The following TMEM132D variants were observed in gnomAD, a reference collection of about 807,000 sequenced individuals.
TMEM132D encodes the protein mature OL transmembrane protein.
Under a neutral mutation model 62.3 loss-of-function variants are expected in TMEM132D, and 21 were observed. The observed-to-expected ratio is 0.34, with a 90% CI of 0.24 to 0.49. The LOEUF is 0.49. Among genes scored for constraint, TMEM132D ranks in the 20% least tolerant of loss-of-function variants. The probability of loss-of-function intolerance (pLI) is 0.99; values close to 1 mark genes in which losing one functional copy is unlikely to be tolerated. For missense variants in TMEM132D, 1,346 were observed against 1,402.8 expected (o/e 0.96, Z 0.65); for synonymous variants, 621 against 575.6 (o/e 1.08, Z -1.13).
chr12:129,405,679 A>G (rs982059313), intron 3 of TMEM132D, among the ~76,000 whole-genome samples: 1 of 152,090 alleles, frequency 6.6e-6, no homozygotes. Flanking sequence ...GCTTGGGTAC[A>G]TGGAGTAGTC....
intron 1 of TMEM132D, among the ~76,000 whole-genome samples, chr12:129,782,590 G>A (rs1871149695): frequency 6.6e-6 from 1 of 152,214 alleles, no homozygotes; most frequent in African/African-American, 2.4e-5. Flanking sequence ...CTGGGAAAAG[G>A]GGAAGGGAAA....
intron 4 of TMEM132D, among the ~76,000 whole-genome samples, chr12:129,321,588 A>G (rs191551827): frequency 0.012 from 1,812 of 149,422 alleles, 40 homozygotes; most frequent in African/African-American, 0.042. Flanking sequence ...ACGGAGTCTC[A>G]CTCTTTCGCC....
intron 3 of TMEM132D, among the ~76,000 whole-genome samples, chr12:129,467,709 T>C (rs1044241848): frequency 1.3e-4 from 20 of 152,130 alleles, no homozygotes; most frequent in African/African-American, 4.6e-4. Context: ...ACACTCTGTG[T>C]GGGAAGGCAT....
intron 1 of TMEM132D, among the ~76,000 whole-genome samples, chr12:129,863,206 C>T (rs967223412): frequency 6.6e-6 from 1 of 152,098 alleles, no homozygotes; most frequent in East Asian, 1.9e-4. Flanking sequence ...CATTGTGAAG[C>T]CTTTACAGAA....
At chr12:129,874,693 C>T (rs1394870928) in intron 1 of TMEM132D, among the ~76,000 whole-genome samples, 1 of 137,682 alleles carries the variant, frequency 7.3e-6, no homozygotes, top group African/African-American at 2.6e-5. Flanking sequence ...ATGTTTTTCA[C>T]ATTTTTCTTT....
chr12:129,403,131 T>G (rs1437926455), intron 3 of TMEM132D, among the ~76,000 whole-genome samples: 4 of 151,754 alleles, frequency 2.6e-5, no homozygotes, highest in Non-Finnish European at 4.4e-5. Context: ...CAAACAATAT[T>G]CTTCATCTGG....
intron 5 of TMEM132D, among the ~76,000 whole-genome samples, chr12:129,208,088 C>T (rs896493972): frequency 3.3e-5 from 5 of 152,120 alleles, no homozygotes; most frequent in African/African-American, 7.2e-5. Context: ...CGCCCGTGAC[C>T]GCCCTGGCTG....
chr12:129,197,160 C>G (rs865939292), intron 5 of TMEM132D, among the ~76,000 whole-genome samples: 13 of 152,242 alleles, frequency 8.5e-5, no homozygotes, highest in African/African-American at 3.1e-4. Flanking sequence ...TGTGGCTGTG[C>G]GGCAATGAAA....
intron 1 of TMEM132D, among the ~76,000 whole-genome samples, chr12:129,716,692 G>C (rs576837689): frequency 2.0e-5 from 3 of 152,148 alleles, no homozygotes; most frequent in African/African-American, 7.2e-5. Flanking sequence ...TAAAACAAGA[G>C]GATTATCCTG....
chr12:129,173,920 G>A lies in TMEM132D; in HGVS notation c.1443+35600C>T, dbSNP rs142703479. 2.2e-3 allele frequency among the ~76,000 whole-genome samples: 335 copies of A among 152,196 alleles called. 2 individuals carry two copies. Among genetic ancestry groups the A allele is most frequent in the African/African-American group, 7.3e-3 (303 of 41,524 alleles). ...CTTTTTCAGGGTTTTCAGATGTTCCGAAGAGAGACACGAATATCTCCAAAT... is the reference window on the plus strand; with the variant it reads ...CTTTTTCAGGGTTTTCAGATGTTCCAAAGAGAGACACGAATATCTCCAAAT... On this transcript the variant is annotated intron_variant, in intron 5 of 8. Transcript: ENST00000422113.
chr12:129,490,587 G>A (rs1333670658), intron 3 of TMEM132D, among the ~76,000 whole-genome samples: 16 of 123,784 alleles, frequency 1.3e-4, no homozygotes, highest in East Asian at 2.3e-4. Context: ...CGCCCACCAC[G>A]CCCGGCTAAT....
At chr12:129,221,058 T>A (rs1308981799) in intron 4 of TMEM132D, among the ~76,000 whole-genome samples, 1 of 152,246 alleles carries the variant, frequency 6.6e-6, no homozygotes, top group Non-Finnish European at 1.5e-5. Flanking sequence ...TGTTCCTTCA[T>A]ATTTTCCAGG....
intron 2 of TMEM132D, among the ~76,000 whole-genome samples, chr12:129,582,334 C>T (rs1267238906): frequency 6.6e-6 from 1 of 152,184 alleles, no homozygotes; most frequent in African/African-American, 2.4e-5. Context: ...ACTCATCTGA[C>T]ACTTAGTTTA....
intron 3 of TMEM132D, among the ~76,000 whole-genome samples, chr12:129,481,224 C>T (rs1463713446): frequency 6.6e-6 from 1 of 152,000 alleles, no homozygotes; most frequent in Admixed American, 6.5e-5. Context: ...GTGGCTCACA[C>T]TTGTAACCCC....
chr12:129,750,683 G>T (rs1325535581), intron 1 of TMEM132D, among the ~76,000 whole-genome samples: 1 of 152,174 alleles, frequency 6.6e-6, no homozygotes, highest in East Asian at 1.9e-4. Context: ...AGGGTGGGAG[G>T]GGAGGAGCAG....
At chr12:129,381,717 T>TTTG in intron 3 of TMEM132D, among the ~76,000 whole-genome samples, 1 of 152,196 alleles carries the variant, frequency 6.6e-6, no homozygotes, top group African/African-American at 2.4e-5. Context: ...TTTCTTTTTT[T>TTTG]CTGAGGTATA....
intron 2 of TMEM132D, among the ~76,000 whole-genome samples, chr12:129,564,600 T>C (rs1221809974): frequency 1.3e-5 from 2 of 152,194 alleles, no homozygotes; most frequent in African/African-American, 4.8e-5. Flanking sequence ...CCTCGGCCAC[T>C]CTCAAGCCAT....
intron 5 of TMEM132D, among the ~76,000 whole-genome samples, chr12:129,192,045 C>A (rs1878420669): frequency 6.6e-6 from 1 of 152,194 alleles, no homozygotes; most frequent in South Asian, 2.1e-4. Context: ...CTGAACCTGG[C>A]CCTGTAGAAA....
At chr12:129,841,637 T>C (rs1025341308) in intron 1 of TMEM132D, among the ~76,000 whole-genome samples, 8 of 152,176 alleles carry the variant, frequency 5.3e-5, no homozygotes, top group Admixed American at 1.3e-4. Context: ...CTTTTTCTAA[T>C]AGGCAAAGTG....
Sources: gnomAD v4.1 joint callset for allele counts (sites outside exome capture counted in the v4.1 genomes callset) on GRCh38, gnomAD v4.1.1 for gene constraint, MANE v1.5 for transcripts, NCBI Gene and HGNC (gene_info 2026-07-23, HGNC 2026-07-21) for gene names.